CSNK1G1: variants seen among roughly 807,000 people sequenced by gnomAD.
The protein encoded by CSNK1G1 is casein kinase 1 gamma 1.
In CSNK1G1, 22 loss-of-function variants were observed where a neutral mutation model predicts 59.6. The observed-to-expected ratio is 0.37, with a 90% CI of 0.26 to 0.53. CSNK1G1 has a LOEUF of 0.53. Among genes scored for constraint, CSNK1G1 ranks in the 20% least tolerant of loss-of-function variants. The probability of loss-of-function intolerance (pLI) is 0.89; values close to 1 mark genes in which losing one functional copy is unlikely to be tolerated. For missense variants in CSNK1G1, 384 were observed against 519.5 expected (o/e 0.74, Z 2.54); for synonymous variants, 179 against 177.1 (o/e 1.01, Z -0.08).
intron 1 of CSNK1G1, among the ~76,000 whole-genome samples, chr15:64,328,196 A>C (rs201675360): frequency 0.62 from 7,379 of 11,838 alleles, 2,464 homozygotes; most frequent in East Asian, 0.87. Context: ...ACTCCTCGAG[A>C]AGAGCAACTC....
At chr15:64,296,249 T>C (rs1314181013) in intron 2 of CSNK1G1, among the ~76,000 whole-genome samples, 1 of 152,156 alleles carries the variant, frequency 6.6e-6, no homozygotes, top group Non-Finnish European at 1.5e-5. Context: ...GCCTCCCAAG[T>C]AGCTAGGACT....
At chr15:64,204,391 G>A (rs762335995) in intron 9 of CSNK1G1, 50 bp downstream of exon 9, 1 of 1,450,732 alleles carries the variant, frequency 6.9e-7, no homozygotes, top group Non-Finnish European at 9.3e-7. Context: ...AGTGCTGGTT[G>A]GAGAAAGGAG....
At chr15:64,334,858 G>A (rs1278515022) in intron 1 of CSNK1G1, among the ~76,000 whole-genome samples, 1 of 152,194 alleles carries the variant, frequency 6.6e-6, no homozygotes, top group African/African-American at 2.4e-5. Context: ...CTGGTCTGTG[G>A]CCCAGAGCTT....
chr15:64,312,971 A>C (rs1896074770), intron 1 of CSNK1G1, among the ~76,000 whole-genome samples: 1 of 152,254 alleles, frequency 6.6e-6, no homozygotes, highest in Non-Finnish European at 1.5e-5. Context: ...TTCTCAAAAG[A>C]AGACATTTAT....
intron 1 of CSNK1G1, among the ~76,000 whole-genome samples, chr15:64,319,917 C>CTT (rs148166902): frequency 9.5e-3 from 624 of 65,916 alleles, no homozygotes; most frequent in African/African-American, 0.018. Flanking sequence ...TAGATCAGGG[C>CTT]TTTTTTTTTT....
At chr15:64,198,190 T>C (rs545810363) in intron 10 of CSNK1G1, among the ~76,000 whole-genome samples, 38 of 147,648 alleles carry the variant, frequency 2.6e-4, no homozygotes, top group African/African-American at 7.8e-4. Flanking sequence ...CCACAGGATA[T>C]ACTTTTTTTT....
chr15:64,181,402 C>A (rs893119802), intron 10 of CSNK1G1: 3 of 1,533,846 alleles, frequency 2.0e-6, no homozygotes, highest in Admixed American at 4.0e-5. Context: ...CACTGCTGGA[C>A]AAAACACTCT....
At chr15:64,198,794 C>T (rs1222303765) in intron 10 of CSNK1G1, among the ~76,000 whole-genome samples, 1 of 150,442 alleles carries the variant, frequency 6.6e-6, no homozygotes, top group Non-Finnish European at 1.5e-5. Context: ...TTAACATAGA[C>T]CAAAGGTTGA....
chr15:64,226,958 T>C (rs2082470850), intron 4 of CSNK1G1, among the ~76,000 whole-genome samples: 2 of 152,238 alleles, frequency 1.3e-5, no homozygotes, highest in South Asian at 4.1e-4. Context: ...TGTGTCTGTC[T>C]TCCCTACTAA....
At position 64,216,940 on chromosome 15, in the gene CSNK1G1, A is replaced by G. The variant is rs535404572; in HGVS notation, c.293-227T>C. Among the ~76,000 whole-genome samples the G allele has an allele frequency of 5.8e-4, 89 of 152,370 alleles. No individual in the cohort carries two copies. Among genetic ancestry groups the G allele is most frequent in the Non-Finnish European group, 1.0e-3 (70 of 68,040 alleles). On this transcript the variant is annotated intron_variant, in intron 4 of 11. Transcript: ENST00000303052. The surrounding 1 kb of genome is among the most constrained non-coding windows in gnomAD (Gnocchi z 4.6). ...GCACAATACGTTCAAATGAGTAGTTATTTAATACCACAGTGCCAAAAACAT... is the reference window on the plus strand; with the variant it reads ...GCACAATACGTTCAAATGAGTAGTTGTTTAATACCACAGTGCCAAAAACAT...
chr15:64,202,047 A>G (rs777775557), intron 10 of CSNK1G1, among the ~76,000 whole-genome samples: 6 of 152,004 alleles, frequency 3.9e-5, no homozygotes, highest in Non-Finnish European at 8.8e-5. Flanking sequence ...AAACTTGTTG[A>G]TTTTTTGGTG....
At position 64,200,028 on chromosome 15, in the gene CSNK1G1, T is replaced by C. The variant is rs1375264204; in HGVS notation, c.1107+3054A>G. ...GTGAGGCTGAGGCAGGTGGATCACCTGAGGTTAGGAGTTCCAGACTAGCCT... is the reference window on the plus strand; with the variant it reads ...GTGAGGCTGAGGCAGGTGGATCACCCGAGGTTAGGAGTTCCAGACTAGCCT... On this transcript the variant is annotated intron_variant, in intron 10 of 11. Coordinates refer to ENST00000303052, the MANE Select transcript of CSNK1G1 (RefSeq NM_022048.5). The surrounding 1 kb of genome is among the most constrained non-coding windows in gnomAD (Gnocchi z 4.3). Among the ~76,000 whole-genome samples, 3 of 152,136 alleles carry C rather than the reference T, an allele frequency of 2.0e-5. No homozygotes were observed. Among genetic ancestry groups the C allele is most frequent in the African/African-American group, 7.2e-5 (3 of 41,446 alleles).
intron 1 of CSNK1G1, among the ~76,000 whole-genome samples, chr15:64,324,988 C>T (rs1373783143): frequency 6.6e-6 from 1 of 152,056 alleles, no homozygotes. Flanking sequence ...AAATTATTAC[C>T]ATACAGTCTG....
rs529660470 is a variant in CSNK1G1 at position 64,251,592 on chromosome 15, A to G, written c.223-11T>C. The G allele has an allele frequency of 1.3e-5, 21 of 1,601,952 alleles. No homozygotes were observed. The South Asian group carries it at 1.6e-4, about 12-fold the overall frequency. ...TGATTTTATTGGTTCCTGAAATCCA[A>G]AAAGAAAAACTGTGATCAGATTTAA... On this transcript the variant is annotated splice_polypyrimidine_tract_variant and intron_variant, in intron 3 of 11. Transcript: ENST00000303052.
chr15:64,176,819 G>A lies in CSNK1G1; in HGVS notation c.1214+3529C>T, dbSNP rs1413440605. On this transcript the variant is annotated intron_variant, in intron 11 of 11. Coordinates refer to ENST00000303052, the MANE Select transcript of CSNK1G1 (RefSeq NM_022048.5). The surrounding 1 kb of genome is among the most constrained non-coding windows in gnomAD (Gnocchi z 5.2). ...CTAGAGAGGGAGAAAAGGTTTAAGC[G>A]ACACTTACTTTATCTTATTAGAAGA... Among the ~76,000 whole-genome samples the A allele has an allele frequency of 6.6e-6, 1 of 152,218 alleles. No individual in the cohort carries two copies. Among genetic ancestry groups the A allele is most frequent in the Non-Finnish European group, 1.5e-5 (1 of 68,044 alleles).
chr15:64,337,380 G>A (rs1897443902), intron 1 of CSNK1G1, among the ~76,000 whole-genome samples: 1 of 152,102 alleles, frequency 6.6e-6, no homozygotes, highest in African/African-American at 2.4e-5. Flanking sequence ...ACAGAATCTT[G>A]CTCTGCCACC....
chr15:64,226,826 A>G (rs2082469145), intron 4 of CSNK1G1, among the ~76,000 whole-genome samples: 1 of 152,182 alleles, frequency 6.6e-6, no homozygotes, highest in South Asian at 2.1e-4. Flanking sequence ...TAACAACTAA[A>G]AAGTCAAGAA....
chr15:64,329,806 G>A (rs1897026362), intron 1 of CSNK1G1, among the ~76,000 whole-genome samples: 1 of 66,446 alleles, frequency 1.5e-5, no homozygotes, highest in Non-Finnish European at 2.8e-5. Context: ...AAAGAGAGAA[G>A]AATCAAATAG....
intron 2 of CSNK1G1, among the ~76,000 whole-genome samples, chr15:64,280,194 A>C (rs1358954590): frequency 6.6e-6 from 1 of 152,120 alleles, no homozygotes; most frequent in East Asian, 1.9e-4. Flanking sequence ...CAGCTTGTTC[A>C]AGCCCTTTCT....
Sources: gnomAD v4.1 joint callset for allele counts (sites outside exome capture counted in the v4.1 genomes callset) on GRCh38, gnomAD v4.1.1 for gene constraint, Gnocchi (gnomAD v3.1) non-coding constraint, MANE v1.5 for transcripts, NCBI Gene and HGNC (gene_info 2026-07-23, HGNC 2026-07-21) for gene names.